NELL1: variants seen among roughly 807,000 people sequenced by gnomAD.
NELL1 encodes protein kinase C-binding protein NELL1.
A neutral mutation model predicts 107.4 loss-of-function variants in NELL1; 76 were observed. That is an observed-to-expected ratio of 0.71 (90% CI 0.59 to 0.86). The LOEUF is 0.86. Ranked by LOEUF, NELL1 falls within the 40% of genes least tolerant of loss-of-function variation. NELL1 has a pLI of 0.00. For synonymous variants in NELL1, 353 were observed against 341.2 expected, an observed-to-expected ratio of 1.03 and a Z score of -0.38; for missense variants, 1,024 against 1,005.5, an observed-to-expected ratio of 1.02 and a Z score of -0.25.
chr11:21,220,066 C>T (rs1485549026), intron 13 of NELL1, among the ~76,000 whole-genome samples: 1 of 152,162 alleles, frequency 6.6e-6, no homozygotes, highest in African/African-American at 2.4e-5. Context: ...GGAAATCTGT[C>T]CCCATGATTG....
chr11:21,011,365 C>A (rs1002970310), intron 12 of NELL1, among the ~76,000 whole-genome samples: 3 of 151,948 alleles, frequency 2.0e-5, no homozygotes, highest in Non-Finnish European at 2.9e-5. Flanking sequence ...GTGATCAACA[C>A]CTATGAAAGG....
intron 12 of NELL1, among the ~76,000 whole-genome samples, chr11:21,035,655 G>A (rs1332642668): frequency 6.6e-6 from 1 of 152,082 alleles, no homozygotes; most frequent in African/African-American, 2.4e-5. Flanking sequence ...CTCAATAGAT[G>A]CAGAAAAAGC....
At chr11:20,942,476 G>A (rs77675711) in intron 10 of NELL1, among the ~76,000 whole-genome samples, 5,746 of 152,162 alleles carry the variant, frequency 0.038, 269 homozygotes, top group East Asian at 0.14. Flanking sequence ...TGGGAGTAGG[G>A]GAGTAGGGGA....
chr11:20,737,067 C>G (rs1177677766), intron 2 of NELL1, among the ~76,000 whole-genome samples: 1 of 151,978 alleles, frequency 6.6e-6, no homozygotes, highest in African/African-American at 2.4e-5. Flanking sequence ...TTCCTCTTTT[C>G]TATACCTCTC....
chr11:21,489,404 A>AC (rs201673297), intron 15 of NELL1, among the ~76,000 whole-genome samples: 3 of 137,200 alleles, frequency 2.2e-5, no homozygotes, highest in East Asian at 5.1e-4. Context: ...AAAAAAAAAA[A>AC]AAAACAGAAG....
intron 12 of NELL1, among the ~76,000 whole-genome samples, chr11:21,036,286 A>G (rs7482430): frequency 0.051 from 7,797 of 152,270 alleles, 521 homozygotes; most frequent in East Asian, 0.35. Context: ...AAGAATTAAT[A>G]TCATTAAAAT....
At chr11:21,488,254 A>G (rs1854694970) in intron 15 of NELL1, among the ~76,000 whole-genome samples, 1 of 152,188 alleles carries the variant, frequency 6.6e-6, no homozygotes, top group Non-Finnish European at 1.5e-5. Context: ...AACATTCTCC[A>G]GGATAGACCG....
At chr11:21,085,971 G>T (rs1172682950) in intron 12 of NELL1, among the ~76,000 whole-genome samples, 1 of 152,204 alleles carries the variant, frequency 6.6e-6, no homozygotes, top group Non-Finnish European at 1.5e-5. Flanking sequence ...CAAGCTGTTG[G>T]AGTTTATGTT....
intron 13 of NELL1, among the ~76,000 whole-genome samples, chr11:21,185,152 A>G (rs1279936279): frequency 6.6e-6 from 1 of 151,754 alleles, no homozygotes; most frequent in Non-Finnish European, 1.5e-5. Flanking sequence ...CTGACAGGAT[A>G]ATTCAAACAT....
rs1023724111 is a variant in NELL1 at position 20,874,509 on chromosome 11, A to G, written c.507-10935A>G. ...ACTTCATCTCTGTGAACATCTGTCA[A>G]TTGAGTATAGCAATGCTTGTCTTTT... On this transcript the variant is annotated intron_variant, in intron 4 of 19. Coordinates refer to ENST00000357134, the MANE Select transcript of NELL1 (RefSeq NM_006157.5). Among the ~76,000 whole-genome samples, 5 of 152,348 alleles carry G rather than the reference A, an allele frequency of 3.3e-5. No homozygotes were observed. In the Middle Eastern group the frequency reaches 0.014, roughly 415 times the overall value.
intron 2 of NELL1, among the ~76,000 whole-genome samples, chr11:20,704,424 A>G (rs1489583962): frequency 2.6e-5 from 4 of 152,148 alleles, no homozygotes; most frequent in East Asian, 1.9e-4. Context: ...GGTCTCCTGA[A>G]CACAGCACAC....
At chr11:21,244,324 G>T (rs1435482096) in intron 14 of NELL1, among the ~76,000 whole-genome samples, 2 of 152,064 alleles carry the variant, frequency 1.3e-5, no homozygotes, top group Non-Finnish European at 2.9e-5. Flanking sequence ...ACTTTAAATA[G>T]TGACATGCTC....
intron 11 of NELL1, among the ~76,000 whole-genome samples, chr11:20,954,144 G>A (rs573456249): frequency 6.6e-6 from 1 of 152,202 alleles, no homozygotes; most frequent in East Asian, 1.9e-4. Flanking sequence ...TCATATAATT[G>A]TTATAAACTC....
intron 10 of NELL1, among the ~76,000 whole-genome samples, chr11:20,945,292 T>G (rs1850939511): frequency 2.0e-5 from 3 of 152,228 alleles, no homozygotes; most frequent in Admixed American, 6.5e-5. Flanking sequence ...CACCATGGGC[T>G]CTGGAGCATA....
intron 2 of NELL1, among the ~76,000 whole-genome samples, chr11:20,713,140 G>A (rs993138634): frequency 1.3e-5 from 2 of 152,200 alleles, no homozygotes; most frequent in African/African-American, 4.8e-5. Flanking sequence ...ATCAGCTGTG[G>A]TAGTAGGGGG....
chr11:21,151,474 G>C (rs942534847), intron 13 of NELL1, among the ~76,000 whole-genome samples: 1 of 152,096 alleles, frequency 6.6e-6, no homozygotes, highest in Admixed American at 6.6e-5. Flanking sequence ...TTGATGGTGC[G>C]CGTGGTGACG....
At chr11:21,015,995 G>A (rs750726748) in intron 12 of NELL1, among the ~76,000 whole-genome samples, 4 of 152,002 alleles carry the variant, frequency 2.6e-5, no homozygotes, top group South Asian at 2.1e-4. Flanking sequence ...GTCTTGTAGC[G>A]TTTGCCTTTT....
chr11:20,889,120 A>G (rs942165034), intron 5 of NELL1, among the ~76,000 whole-genome samples: 1 of 152,216 alleles, frequency 6.6e-6, no homozygotes, highest in African/African-American at 2.4e-5. Flanking sequence ...CAAGGAGGGA[A>G]GAATTTTTTT....
chr11:20,777,916 G>T (rs1856780461), intron 2 of NELL1, among the ~76,000 whole-genome samples: 1 of 152,182 alleles, frequency 6.6e-6, no homozygotes, highest in African/African-American at 2.4e-5. Flanking sequence ...CTCTTGGTCT[G>T]CTTTGTGCTA....
Sources: allele counts gnomAD v4.1 joint callset (sites outside exome capture counted in the v4.1 genomes callset), GRCh38; gene constraint gnomAD v4.1.1; transcripts MANE v1.5; gene names NCBI Gene and HGNC (gene_info 2026-07-23, HGNC 2026-07-21).